GRIK1: variants seen among roughly 807,000 people sequenced by gnomAD.
The protein encoded by GRIK1 is glutamate receptor ionotropic, kainate 1.
In GRIK1, 69 loss-of-function variants were observed where a neutral mutation model predicts 105.7. The observed-to-expected ratio is 0.65, with a 90% CI of 0.54 to 0.80. The LOEUF is 0.80. Among genes scored for constraint, GRIK1 ranks in the 30% least tolerant of loss-of-function variants. The pLI is 0.00. For synonymous variants in GRIK1, 438 were observed against 431.3 expected (o/e 1.02, Z -0.19); for missense variants, 1,109 against 1,167.3 (o/e 0.95, Z 0.73).
intron 1 of GRIK1, among the ~76,000 whole-genome samples, chr21:29,862,558 A>G (rs2068679465): frequency 6.6e-6 from 1 of 152,180 alleles, no homozygotes; most frequent in Non-Finnish European, 1.5e-5. Flanking sequence ...CCAGCTCCCC[A>G]AAGTCATCCA....
At chr21:29,919,595 G>A (rs2071123484) in intron 1 of GRIK1, among the ~76,000 whole-genome samples, 1 of 152,074 alleles carries the variant, frequency 6.6e-6, no homozygotes, top group Non-Finnish European at 1.5e-5. Context: ...CTGAGCAAAG[G>A]TAGCACTCCC....
At chr21:29,657,380 A>G (rs901475676) in intron 4 of GRIK1, 2 of 152,166 alleles carry the variant, frequency 1.3e-5, no homozygotes, top group African/African-American at 4.8e-5. Flanking sequence ...TTATTATTGT[A>G]TTTTAAAATT....
chr21:29,766,187 A>C (rs891987010), intron 1 of GRIK1, among the ~76,000 whole-genome samples: 52 of 152,120 alleles, frequency 3.4e-4, no homozygotes, highest in African/African-American at 8.9e-4. Context: ...TGTTCTTGGC[A>C]TATCCTACAC....
intron 7 of GRIK1, among the ~76,000 whole-genome samples, chr21:29,610,066 A>T (rs1284027482): frequency 6.6e-6 from 1 of 152,170 alleles, no homozygotes; most frequent in Non-Finnish European, 1.5e-5. Flanking sequence ...CTGGTCTGTT[A>T]TTTGTTCTAT....
At chr21:29,876,336 C>T (rs1372279952) in intron 1 of GRIK1, among the ~76,000 whole-genome samples, 4 of 152,040 alleles carry the variant, frequency 2.6e-5, no homozygotes, top group African/African-American at 9.7e-5. Flanking sequence ...AATAATCTCT[C>T]TTTCCCTTCT....
intron 4 of GRIK1, among the ~76,000 whole-genome samples, chr21:29,668,984 G>A (rs368494091): frequency 6.6e-6 from 1 of 152,090 alleles, no homozygotes; most frequent in East Asian, 1.9e-4. Flanking sequence ...TTGGGGAGAG[G>A]ACACATGCGA....
intron 1 of GRIK1, among the ~76,000 whole-genome samples, chr21:29,841,494 A>G (rs1019140441): frequency 1.3e-5 from 2 of 152,158 alleles, no homozygotes; most frequent in African/African-American, 4.8e-5. Context: ...CAATAGTGCT[A>G]ATAAGTGTGA....
At chr21:29,633,964 C>T (rs989855536) in intron 7 of GRIK1, among the ~76,000 whole-genome samples, 1 of 152,128 alleles carries the variant, frequency 6.6e-6, no homozygotes, top group Non-Finnish European at 1.5e-5. Flanking sequence ...TCCTGGCAAT[C>T]GAGATCAAAT....
intron 1 of GRIK1, among the ~76,000 whole-genome samples, chr21:29,931,167 T>G (rs2071551393): frequency 6.6e-6 from 1 of 152,196 alleles, no homozygotes; most frequent in African/African-American, 2.4e-5. Flanking sequence ...CAGTCTTTAT[T>G]CAGAGTCCTT....
intron 7 of GRIK1, among the ~76,000 whole-genome samples, chr21:29,605,572 G>T (rs534738521): frequency 6.6e-6 from 1 of 152,102 alleles, no homozygotes; most frequent in African/African-American, 2.4e-5. Context: ...AATCCTTTGG[G>T]TATATGCCCA....
intron 1 of GRIK1, among the ~76,000 whole-genome samples, chr21:29,939,093 T>C (rs1324540931): frequency 2.0e-5 from 3 of 151,892 alleles, no homozygotes; most frequent in East Asian, 3.9e-4. Context: ...TTGCCCAGAG[T>C]AGGGGTGCCG....
At chr21:29,785,299 C>T (rs1423051888) in intron 1 of GRIK1, among the ~76,000 whole-genome samples, 1 of 152,146 alleles carries the variant, frequency 6.6e-6, no homozygotes, top group Non-Finnish European at 1.5e-5. Context: ...TGTGGTGGCT[C>T]ATGCCGTAAT....
At chr21:29,635,595 C>T (rs747368683) in intron 7 of GRIK1, among the ~76,000 whole-genome samples, 33 of 152,102 alleles carry the variant, frequency 2.2e-4, no homozygotes, top group Non-Finnish European at 2.9e-5. Context: ...GATGTGACTC[C>T]CGAGTGACAA....
chr21:29,901,224 T>A (rs2070393940), intron 1 of GRIK1, among the ~76,000 whole-genome samples: 1 of 151,902 alleles, frequency 6.6e-6, no homozygotes, highest in Admixed American at 6.6e-5. Context: ...CATCTTAACA[T>A]CACAATTAAA....
At chr21:29,745,866 G>A (rs1039989684) in intron 1 of GRIK1, among the ~76,000 whole-genome samples, 2 of 152,214 alleles carry the variant, frequency 1.3e-5, no homozygotes, top group Non-Finnish European at 2.9e-5. Context: ...CATTTTGGGA[G>A]GCCAAGGCGG....
At chr21:29,851,298 G>T (rs546726907) in intron 1 of GRIK1, among the ~76,000 whole-genome samples, 1 of 151,968 alleles carries the variant, frequency 6.6e-6, no homozygotes, top group Non-Finnish European at 1.5e-5. Context: ...CAAGTGATCC[G>T]CCCACCTCGG....
intron 6 of GRIK1, among the ~76,000 whole-genome samples, chr21:29,650,798 C>G (rs76687171): frequency 3.9e-5 from 6 of 152,290 alleles, no homozygotes; most frequent in Non-Finnish European, 8.8e-5. Flanking sequence ...CCTCTTCCCC[C>G]ACCAGCCACC....
chr21:29,732,760 A>G (rs2064669956), intron 1 of GRIK1, among the ~76,000 whole-genome samples: 1 of 152,088 alleles, frequency 6.6e-6, no homozygotes. Context: ...TATTTGCCTC[A>G]CTCGATTTTG....
At chr21:29,651,011 A>C in intron 6 of GRIK1, 107 bp downstream of exon 6, 1 of 776,334 alleles carries the variant, frequency 1.3e-6, no homozygotes, top group Middle Eastern at 4.0e-4. Context: ...CTGCAAGTCA[A>C]GGCACCCACT....
Sources: allele counts gnomAD v4.1 joint callset (sites outside exome capture counted in the v4.1 genomes callset), GRCh38; gene constraint gnomAD v4.1.1; transcripts MANE v1.5; gene names NCBI Gene and HGNC (gene_info 2026-07-23, HGNC 2026-07-21).